The following ACACA variants were observed in gnomAD, a reference collection of about 807,000 sequenced individuals.
ACACA encodes the protein acetyl-CoA carboxylase alpha.
In ACACA, 103 loss-of-function variants were observed where a neutral mutation model predicts 296.1. The observed-to-expected ratio is 0.35, with a 90% CI of 0.30 to 0.41. ACACA has a LOEUF of 0.41. ACACA is among the 10% of genes least tolerant of loss of function. The pLI, the probability that ACACA is intolerant of heterozygous loss-of-function variation, is 1.00. For missense variants in ACACA, 1,554 were observed against 2,989.7 expected, an observed-to-expected ratio of 0.52 and a Z score of 11.20; for synonymous variants, 953 against 1,038.6, an observed-to-expected ratio of 0.92 and a Z score of 1.58.
At chr17:37,180,173 G>A (rs2077265534) in intron 40 of ACACA, among the ~76,000 whole-genome samples, 1 of 152,072 alleles carries the variant, frequency 6.6e-6, no homozygotes, top group South Asian at 2.1e-4. Context: ...TACTTAGAAT[G>A]TGATTTATAT....
intron 29 of ACACA, among the ~76,000 whole-genome samples, chr17:37,216,165 A>AC (rs2078981656): frequency 7.8e-6 from 1 of 128,424 alleles, no homozygotes; most frequent in African/African-American, 3.2e-5. Flanking sequence ...CACAACATAC[A>AC]CATGTTACAT....
chr17:37,297,893 T>C (rs1458985435), intron 3 of ACACA, among the ~76,000 whole-genome samples: 3 of 152,030 alleles, frequency 2.0e-5, no homozygotes, highest in Non-Finnish European at 4.4e-5. Flanking sequence ...TACATGTATA[T>C]ACATAAAAAA....
chr17:37,332,150 T>G lies in ACACA; in HGVS notation c.86-1725A>C, dbSNP rs77823361. Reference sequence around the variant, plus strand: ...GAAACTAATTAACAGCAAACCATCATGACACGTGTTTACCTACATAACAAA... The same window carrying G: ...GAAACTAATTAACAGCAAACCATCAGGACACGTGTTTACCTACATAACAAA... On this transcript the variant is annotated intron_variant, in intron 2 of 55. Transcript: ENST00000616317. Among the ~76,000 whole-genome samples the G allele has an allele frequency of 7.1e-4, 108 of 151,624 alleles. 1 individual carries two copies. In the East Asian group the frequency reaches 0.021, roughly 29 times the overall value.
intron 1 of ACACA, among the ~76,000 whole-genome samples, chr17:37,344,162 T>G (rs961610133): frequency 1.3e-5 from 2 of 152,018 alleles, no homozygotes; most frequent in South Asian, 4.2e-4. Flanking sequence ...GGTGTGGTGG[T>G]TCACACCTGT....
intron 5 of ACACA, among the ~76,000 whole-genome samples, chr17:37,278,778 G>T (rs1055681830): frequency 1.3e-5 from 2 of 152,100 alleles, no homozygotes; most frequent in Non-Finnish European, 2.9e-5. Context: ...CTTCCTCAAA[G>T]TTCATTTCCA....
chr17:37,110,552 T>A (rs2142992760), intron 52 of ACACA, among the ~76,000 whole-genome samples: 1 of 152,304 alleles, frequency 6.6e-6, no homozygotes, highest in Admixed American at 6.5e-5. Context: ...GTCACCGTGT[T>A]TGGCAGGCAA....
At chr17:37,096,819 G>C (rs1026144540) in intron 54 of ACACA, among the ~76,000 whole-genome samples, 177 bp downstream of exon 54, 1 of 152,172 alleles carries the variant, frequency 6.6e-6, no homozygotes, top group Non-Finnish European at 1.5e-5. Context: ...CTTCTAACAA[G>C]ATGTCGTGAC....
intron 1 of ACACA, among the ~76,000 whole-genome samples, chr17:37,400,732 GTGTGTGTC>G (rs963341928): frequency 4.3e-5 from 6 of 140,156 alleles, no homozygotes; most frequent in Admixed American, 1.5e-4. Context: ...ATTCCATTGT[GTGTGTGTC>G]TGTGTGTGTG....
intron 3 of ACACA, among the ~76,000 whole-genome samples, chr17:37,320,802 C>T (rs1385407637): frequency 6.6e-6 from 1 of 151,652 alleles, no homozygotes; most frequent in Non-Finnish European, 1.5e-5. Context: ...TGAAAATTAG[C>T]CAGGCATGAT....
intron 45 of ACACA, among the ~76,000 whole-genome samples, chr17:37,136,690 C>G (rs985823261): frequency 6.6e-6 from 1 of 152,146 alleles, no homozygotes; most frequent in Non-Finnish European, 1.5e-5. Flanking sequence ...CACCTGTAAT[C>G]CCAGCACTTT....
intron 1 of ACACA, among the ~76,000 whole-genome samples, chr17:37,380,834 T>G: frequency 6.6e-6 from 1 of 151,924 alleles, no homozygotes; most frequent in East Asian, 1.9e-4. Context: ...TGACCTCAAG[T>G]ATCTGCCCGC....
rs1431772274 is a variant in ACACA, at chr17:37,174,006, ATATATATATATATAT to A, written c.5079+5239_5079+5253del. On this transcript the variant is annotated intron_variant, in intron 41 of 55. Transcript: ENST00000616317. ...TTTATATATATATATATATATATAT[ATATATATATATATAT>A]TTTTTTTTTTTTTTTTTTTTGTAGC... 1.1e-3 allele frequency among the ~76,000 whole-genome samples: 13 copies of A among 12,250 alleles called. 1 individual carries two copies. The highest frequency in any genetic ancestry group is 1.5e-3 in the Non-Finnish European group (11 of 7,418). The allele number at this position is 12,250 out of a possible 152,430, so 8.0% of individuals were successfully genotyped here.
At chr17:37,130,805 C>T (rs1484998721) in intron 45 of ACACA, among the ~76,000 whole-genome samples, 1 of 152,056 alleles carries the variant, frequency 6.6e-6, no homozygotes, top group African/African-American at 2.4e-5. Context: ...GGTAACATGC[C>T]TGTCTTTCAA....
At position 37,192,221 on chromosome 17, in the gene ACACA, T is replaced by C; in HGVS notation, c.4285A>G (p.Thr1429Ala). 6.2e-7 allele frequency: 1 copy of C among 1,613,920 alleles called. No individual in the cohort carries two copies. Among genetic ancestry groups the C allele is most frequent in the Non-Finnish European group, 8.5e-7 (1 of 1,179,976 alleles). Reference sequence around the variant, plus strand: ...TTGTGATTAGCACATGGAATGGCAGTGAGGTCAAAATTTCTCATCCGGTTC... The same window carrying C: ...TTGTGATTAGCACATGGAATGGCAGCGAGGTCAAAATTTCTCATCCGGTTC... The part of the protein sequence containing the change: ...ELNRMRNFDL[T>A]AIPCANHKMH... Residue 1429 changes from threonine to alanine, a missense_variant, in exon 37 of 56, where the codon ACT becomes GCT. Thr to Ala is a moderately conservative substitution (Grantham distance 58). Around this residue, in one of 16 missense-constraint regions of ACACA, gnomAD observed 179 missense variants for 283.2 expected, o/e 0.63. Transcript: ENST00000616317.
At chr17:37,193,701 AT>A (rs1273616761) in intron 35 of ACACA, among the ~76,000 whole-genome samples, 1 of 152,124 alleles carries the variant, frequency 6.6e-6, no homozygotes, top group Non-Finnish European at 1.5e-5. Context: ...AGTGAAAAAA[AT>A]TTTTTTGCTA....
intron 1 of ACACA, among the ~76,000 whole-genome samples, chr17:37,364,880 A>G (rs1006332614): frequency 2.6e-5 from 4 of 152,194 alleles, no homozygotes; most frequent in Admixed American, 6.6e-5. Context: ...AGTCCTTGGA[A>G]GTCCCATTTT....
intron 3 of ACACA, among the ~76,000 whole-genome samples, chr17:37,291,047 A>G (rs1328194101): frequency 4.1e-5 from 6 of 145,304 alleles, no homozygotes; most frequent in Non-Finnish European, 4.5e-5. Flanking sequence ...ACGCCACTAC[A>G]CTCCAGCCTG....
chr17:37,207,895 G>C (rs2078578850), intron 30 of ACACA, 95 bp from the exon 31 acceptor site: 19 of 1,455,520 alleles, frequency 1.3e-5, no homozygotes, highest in Admixed American at 3.4e-5. Flanking sequence ...AGAAAACTCT[G>C]AAGTAGGGTC....
intron 48 of ACACA, among the ~76,000 whole-genome samples, chr17:37,124,416 C>T (rs907584178): frequency 6.6e-6 from 1 of 152,158 alleles, no homozygotes; most frequent in Non-Finnish European, 1.5e-5. Context: ...AAGAACTTAA[C>T]AAAGGTTTGG....
Sources: gnomAD v4.1 joint callset for allele counts (sites outside exome capture counted in the v4.1 genomes callset) on GRCh38, gnomAD v4.1.1 for gene constraint, gnomAD v4.1.1 regional missense constraint, MANE v1.5 for transcripts, NCBI Gene and HGNC (gene_info 2026-07-23, HGNC 2026-07-21) for gene names.